The following GCH1 variants were observed in gnomAD, a reference collection of about 807,000 sequenced individuals.
GCH1 encodes GTP cyclohydrolase I.
In GCH1, 5 loss-of-function variants were observed where a neutral mutation model predicts 25.9. The ratio of observed to expected loss-of-function variants is 0.19; its 90% CI spans 0.10 to 0.41. The LOEUF is 0.41. GCH1 is among the 10% of genes least tolerant of loss of function. The pLI is 1.00. For missense variants in GCH1, 261 were observed against 336.5 expected (o/e 0.78, Z 1.75); for synonymous variants, 159 against 129.6 (o/e 1.23, Z -1.54).
chr14:54,880,372 T>A (rs2040228639), intron 1 of GCH1, among the ~76,000 whole-genome samples: 1 of 143,262 alleles, frequency 7.0e-6, no homozygotes, highest in Admixed American at 7.3e-5. Context: ...AAATATATAT[T>A]TTATATATAA....
rs868559058 is a variant in GCH1, at chr14:54,865,491, T to C, written c.344-55A>G. On this transcript the variant is annotated intron_variant, in intron 1 of 5. Coordinates refer to ENST00000491895, the MANE Select transcript of GCH1 (RefSeq NM_000161.3). Reference sequence around the variant, plus strand: ...GTCCAATTTTATAGAAAGGTAGAATTATGGATAAACATGAATAGACAGTCA... The same window carrying C: ...GTCCAATTTTATAGAAAGGTAGAATCATGGATAAACATGAATAGACAGTCA... The C allele has an allele frequency of 3.3e-5, 28 of 839,662 alleles. No homozygotes were observed. The Middle Eastern group carries it at 6.7e-4, about 20-fold the overall frequency. 52.0% of individuals were successfully genotyped at this position (839,662 alleles called of 1,614,324 possible). A position where few individuals can be genotyped will look rare whatever the true frequency, so the allele number is the denominator to read the frequency against.
chr14:54,869,230 GGGGTTTCACTATGTT>G (rs1230613917), intron 1 of GCH1, among the ~76,000 whole-genome samples: 1 of 151,698 alleles, frequency 6.6e-6, no homozygotes, highest in Non-Finnish European at 1.5e-5. Flanking sequence ...TAGTAGAGAC[GGGGTTTCACTATGTT>G]GGCCAGGCTG....
chr14:54,847,895 G>A (rs539568907), intron 3 of GCH1, among the ~76,000 whole-genome samples: 1 of 152,096 alleles, frequency 6.6e-6, no homozygotes, highest in African/African-American at 2.4e-5. Context: ...TAATCATATT[G>A]TTTTATCAGA....
intron 1 of GCH1, chr14:54,878,195 T>C (rs375594535): frequency 3.2e-4 from 49 of 154,522 alleles, no homozygotes; most frequent in South Asian, 1.8e-3. Context: ...GAACCCATAG[T>C]ATAGGAATTA....
chr14:54,883,908 A>T (rs1392669291), intron 1 of GCH1, among the ~76,000 whole-genome samples: 3 of 152,312 alleles, frequency 2.0e-5, no homozygotes, highest in African/African-American at 7.2e-5. Context: ...GGAAGGACCC[A>T]GGTAGAGAAC....
intron 1 of GCH1, among the ~76,000 whole-genome samples, chr14:54,870,226 G>A (rs544264559): frequency 7.2e-5 from 11 of 151,774 alleles, no homozygotes; most frequent in South Asian, 2.1e-4. Flanking sequence ...GGCTGGGTGC[G>A]GTGGCTCACA....
intron 3 of GCH1, among the ~76,000 whole-genome samples, chr14:54,847,666 T>TTA (rs148059269): frequency 0.21 from 31,190 of 148,226 alleles, 3,520 homozygotes; most frequent in East Asian, 0.36. Flanking sequence ...AAACTCCCCT[T>TTA]TATATATATA....
At chr14:54,847,822 A>G (rs1327570052) in intron 3 of GCH1, among the ~76,000 whole-genome samples, 3 of 151,738 alleles carry the variant, frequency 2.0e-5, no homozygotes. Flanking sequence ...AAAAACAGAG[A>G]TGAGTAACAA....
rs766668821 is a variant in GCH1, at chr14:54,865,321, C to T, written c.453+6G>A. ...AATTGCTGGGAAACAACAAAGAGAACCTTACCTTTCCAACAAATGGAACCA... is the reference window on the plus strand; with the variant it reads ...AATTGCTGGGAAACAACAAAGAGAATCTTACCTTTCCAACAAATGGAACCA... On this transcript the variant is annotated splice_donor_region_variant and intron_variant, in intron 2 of 5. Transcript: ENST00000491895. 27 of 1,314,990 alleles carry T rather than the reference C, an allele frequency of 2.1e-5. No individual in the cohort carries two copies. In the African/African-American group the frequency reaches 2.9e-4, roughly 14 times the overall value. 81.5% of individuals were successfully genotyped at this position (1,314,990 alleles called of 1,614,324 possible).
At chr14:54,880,431 CAT>C (rs34635384) in intron 1 of GCH1, among the ~76,000 whole-genome samples, 8,633 of 83,762 alleles carry the variant, frequency 0.1, 925 homozygotes, top group South Asian at 0.14. Context: ...ATATATACTC[CAT>C]ATATATATAT....
At chr14:54,883,861 G>T (rs1404790251) in intron 1 of GCH1, among the ~76,000 whole-genome samples, 1 of 152,106 alleles carries the variant, frequency 6.6e-6, no homozygotes, top group Non-Finnish European at 1.5e-5. Flanking sequence ...AGACAAGGAG[G>T]AAACTGGAGC....
chr14:54,867,299 G>A (rs1270827025), intron 1 of GCH1, among the ~76,000 whole-genome samples: 1 of 152,106 alleles, frequency 6.6e-6, no homozygotes, highest in African/African-American at 2.4e-5. Context: ...GTGAAGAGCT[G>A]GCTCCAGGCT....
intron 1 of GCH1, among the ~76,000 whole-genome samples, chr14:54,897,923 G>T (rs544774927): frequency 6.6e-6 from 1 of 152,178 alleles, no homozygotes; most frequent in Admixed American, 6.5e-5. Flanking sequence ...GTTTCATATC[G>T]CAAACACTGA....
chr14:54,876,557 G>A (rs2040163989), intron 1 of GCH1, among the ~76,000 whole-genome samples: 2 of 152,130 alleles, frequency 1.3e-5, no homozygotes, highest in Admixed American at 6.5e-5. Context: ...TATTCAGGCG[G>A]CTGAAGCAGG....
intron 5 of GCH1, among the ~76,000 whole-genome samples, chr14:54,844,898 G>A (rs117349787): frequency 0.016 from 2,490 of 152,348 alleles, 36 homozygotes; most frequent in South Asian, 0.048. Flanking sequence ...GGCTATTGGC[G>A]TGGTGGCTCA....
In GCH1 at chr14:54,902,506, C is replaced by A; in HGVS notation, c.158G>T (p.Trp53Leu). ...CTCGCTGCGGGGCCGCTCGCCCTTC[C>A]AGCCGTCCGCGGGCTGCGCGCTCTT... ...EAKSAQPADG[W>L]KGERPRSEED... The change falls in exon 1 of 6, where the codon TGG becomes TTG. Residue 53 changes from tryptophan to leucine, a missense_variant. This residue lies in a region of GCH1 where 125 missense variants were observed against 128.7 expected (regional missense o/e 0.97). Transcript: ENST00000491895. The A allele has an allele frequency of 1.9e-6, 3 of 1,602,502 alleles. No individual in the cohort carries two copies. Among genetic ancestry groups the A allele is most frequent in the Non-Finnish European group, 2.6e-6 (3 of 1,175,756 alleles).
chr14:54,877,277 G>C (rs2040175414), intron 1 of GCH1, among the ~76,000 whole-genome samples: 1 of 152,170 alleles, frequency 6.6e-6, no homozygotes, highest in Non-Finnish European at 1.5e-5. Flanking sequence ...TCCTACGGTT[G>C]GTCACAACCA....
intron 1 of GCH1, among the ~76,000 whole-genome samples, chr14:54,888,437 C>A (rs1307369585): frequency 3.3e-5 from 5 of 152,112 alleles, no homozygotes; most frequent in Non-Finnish European, 5.9e-5. Context: ...TACCTAAGTT[C>A]ATAAACCAGT....
intron 1 of GCH1, among the ~76,000 whole-genome samples, chr14:54,896,918 C>CAAA (rs562487591): frequency 1.5e-5 from 1 of 67,242 alleles, no homozygotes; most frequent in African/African-American, 5.1e-5. Flanking sequence ...GACTTCATCT[C>CAAA]AAAAAAAAAA....
Sources: gnomAD v4.1 joint callset for allele counts (sites outside exome capture counted in the v4.1 genomes callset) on GRCh38, gnomAD v4.1.1 for gene constraint, gnomAD v4.1.1 regional missense constraint, MANE v1.5 for transcripts, NCBI Gene and HGNC (gene_info 2026-07-23, HGNC 2026-07-21) for gene names.